MEGF6: variants seen among roughly 807,000 people sequenced by gnomAD.
The protein encoded by MEGF6 is multiple EGF like domains 6.
MEGF6 carries 184 observed loss-of-function variants against 207.1 expected under a neutral mutation model. That is an observed-to-expected ratio of 0.89 (90% CI 0.79 to 1.00). The LOEUF is 1.00. Among genes scored for constraint, MEGF6 ranks in the 50% least tolerant of loss-of-function variants. MEGF6 has a pLI of 0.00. For missense variants in MEGF6, 2,282 were observed against 2,202.9 expected (o/e 1.04, Z -0.72); for synonymous variants, 1,038 against 910.0 (o/e 1.14, Z -2.53).
chr1:3,587,850 G>C (rs1643912728), intron 3 of MEGF6, among the ~76,000 whole-genome samples: 1 of 143,378 alleles, frequency 7.0e-6, no homozygotes, highest in Non-Finnish European at 1.5e-5. Flanking sequence ...AAGGGGACAG[G>C]AGGGGCCAGG....
Position 3,495,988 on chromosome 1 carries a change from C to T in MEGF6, c.3773G>A (p.Cys1258Tyr), listed in dbSNP as rs780991202. 6.4e-7 allele frequency: 1 copy of T among 1,553,126 alleles called. No individual in the cohort carries two copies. Among genetic ancestry groups the T allele is most frequent in the South Asian group, 1.2e-5 (1 of 84,712 alleles). The change falls in exon 30 of 37, where the codon TGC becomes TAC. Residue 1258 changes from cysteine to tyrosine, a missense_variant. Coordinates refer to ENST00000356575, the MANE Select transcript of MEGF6 (RefSeq NM_001409.4). ...TCPQGRFGPN[C>Y]THVCGCGQGA... The stretch of plus-strand genomic sequence containing the variant: ...CTGCCCACACCCACACACGTGGGTG[C>T]AGTTGGGGCCGAAGCGGCCCTGCGG...
chr1:3,511,247 T>G (rs1380131048), intron 9 of MEGF6, among the ~76,000 whole-genome samples: 3 of 152,192 alleles, frequency 2.0e-5, no homozygotes, highest in Non-Finnish European at 2.9e-5. Flanking sequence ...GGGTGTGACT[T>G]CCAGGACACT....
At chr1:3,610,214 C>T (rs1048352062) in intron 1 of MEGF6, among the ~76,000 whole-genome samples, 12 of 152,242 alleles carry the variant, frequency 7.9e-5, no homozygotes, top group Non-Finnish European at 1.3e-4. Context: ...TGGACCCCCT[C>T]CTCTTCACCA....
intron 11 of MEGF6, 52 bp downstream of exon 11, chr1:3,509,818 G>A: frequency 3.3e-6 from 5 of 1,501,744 alleles, no homozygotes; most frequent in Non-Finnish European, 4.5e-6. Flanking sequence ...GGTCAGCTGG[G>A]GCAAACTCGA....
chr1:3,616,053 G>A (rs536861873), upstream of MEGF6, among the ~76,000 whole-genome samples: 2 of 152,340 alleles, frequency 1.3e-5, no homozygotes, highest in South Asian at 2.1e-4. Flanking sequence ...TTGGATGGAG[G>A]AGAAATAACG....
At position 3,579,915 on chromosome 1, in the gene MEGF6, T is replaced by G. The variant is rs2794340; in HGVS notation, c.391A>C (p.Ser131Arg). 6.5e-7 allele frequency: 1 copy of G among 1,530,092 alleles called. No individual in the cohort carries two copies. Among genetic ancestry groups the G allele is most frequent in the Admixed American group, 2.3e-5 (1 of 42,684 alleles). The allele number at this position is 1,530,092 out of a possible 1,614,324, so 94.8% of individuals were successfully genotyped here. Reference protein sequence around the residue: ...EGCLSAECSASLCFHGGRCVP... With the variant: ...EGCLSAECSARLCFHGGRCVP... ...CAACGGCCACCGTGAAAACAGAGGC[T>G]GGCGCTGCATTCAGCTGCGGAGGGA... Residue 131 changes from serine to arginine, a missense_variant, in exon 4 of 37, where the codon AGC becomes CGC. Ser to Arg is a moderately radical substitution (Grantham distance 110). Transcript: ENST00000356575.
intron 15 of MEGF6, 53 bp from the exon 16 acceptor site, chr1:3,505,609 A>T: frequency 6.7e-7 from 1 of 1,490,802 alleles, no homozygotes. Context: ...CCACCCTCCC[A>T]GACCGCTTCC....
intron 29 of MEGF6, 77 bp from the exon 30 acceptor site, chr1:3,496,095 C>G: frequency 6.2e-6 from 9 of 1,441,790 alleles, no homozygotes; most frequent in Non-Finnish European, 8.2e-6. Context: ...GGGGATAGGA[C>G]AGGATGGGAT....
chr1:3,548,894 AAGCCCCTT>A (rs769170570), intron 4 of MEGF6, among the ~76,000 whole-genome samples: 127 of 152,194 alleles, frequency 8.3e-4, no homozygotes, highest in Middle Eastern at 6.8e-3. Flanking sequence ...CCCACAGGAA[AAGCCCCTT>A]AGCCTGGCCT....
intron 2 of MEGF6, among the ~76,000 whole-genome samples, chr1:3,597,904 C>G (rs1306768678): frequency 6.6e-6 from 1 of 152,234 alleles, no homozygotes; most frequent in East Asian, 1.9e-4. Context: ...GGTACCTGCC[C>G]AGGGGTCCCA....
chr1:3,505,649 C>G (rs1046759538), intron 15 of MEGF6, 93 bp from the exon 16 acceptor site: 2 of 1,431,714 alleles, frequency 1.4e-6, no homozygotes, highest in Non-Finnish European at 1.8e-6. Context: ...GGACGACAGC[C>G]AAGATCATGT....
intron 4 of MEGF6, among the ~76,000 whole-genome samples, chr1:3,534,189 C>T (rs948127404): frequency 4.6e-5 from 7 of 152,082 alleles, no homozygotes; most frequent in African/African-American, 1.7e-4. Flanking sequence ...TGCGTGCTAG[C>T]GTCACACATG....
chr1:3,613,368 G>A (rs1644352061), upstream of MEGF6, among the ~76,000 whole-genome samples: 2 of 152,194 alleles, frequency 1.3e-5, no homozygotes, highest in Non-Finnish European at 2.9e-5. Flanking sequence ...GTGCAAGCCC[G>A]TGAGTGTCTC....
At chr1:3,575,632 A>G (rs2821057) in intron 4 of MEGF6, among the ~76,000 whole-genome samples, 5,786 of 151,658 alleles carry the variant, frequency 0.038, 131 homozygotes, top group Non-Finnish European at 0.054. Flanking sequence ...AGCAAGTCAC[A>G]TCTTACATGG....
chr1:3,623,628 C>T, the MEGF6 span: 1 of 152,118 alleles, frequency 6.6e-6, no homozygotes, highest in African/African-American at 2.4e-5. Flanking sequence ...TGTGGTGCAA[C>T]ATGCGTCTGG....
chr1:3,566,667 G>A (rs188155072), intron 4 of MEGF6, among the ~76,000 whole-genome samples: 220 of 152,308 alleles, frequency 1.4e-3, no homozygotes, highest in Non-Finnish European at 1.6e-3. Context: ...TGAGCCCCCC[G>A]GCGCCCCATC....
chr1:3,551,978 G>C (rs1316305815), intron 4 of MEGF6, among the ~76,000 whole-genome samples: 4 of 152,162 alleles, frequency 2.6e-5, no homozygotes, highest in Non-Finnish European at 5.9e-5. Flanking sequence ...TCAGACATCA[G>C]CAATCCCAGC....
At position 3,494,254 on chromosome 1, in the gene MEGF6, C is replaced by T. The variant is rs1640502988; in HGVS notation, c.4129+117G>A. ...CCTCCTGCCCGTCCTCGTCCCTCCC[C>T]ACTGCTGCTGGCTCCCCACCTCCCC... is the stretch of plus-strand genomic sequence containing the variant. On this transcript the variant is annotated intron_variant, in intron 32 of 36. Transcript: ENST00000356575. 6.8e-6 allele frequency: 10 copies of T among 1,467,162 alleles called. No individual in the cohort carries two copies. The South Asian group carries it at 1.1e-4, about 16-fold the overall frequency. The allele number at this position is 1,467,162 out of a possible 1,614,324, so 90.9% of individuals were successfully genotyped here. A position where few individuals can be genotyped will look rare whatever the true frequency, so the allele number is the denominator to read the frequency against.
At chr1:3,535,854 C>T (rs940156400) in intron 4 of MEGF6, among the ~76,000 whole-genome samples, 1 of 152,218 alleles carries the variant, frequency 6.6e-6, no homozygotes, top group African/African-American at 2.4e-5. Flanking sequence ...CCTTCGGGTT[C>T]CTCCAGGGGA....
Sources: allele counts gnomAD v4.1 joint callset (sites outside exome capture counted in the v4.1 genomes callset), GRCh38; gene constraint gnomAD v4.1.1; transcripts MANE v1.5; gene names NCBI Gene and HGNC (gene_info 2026-07-23, HGNC 2026-07-21).